SCHIP1: variants seen among roughly 807,000 people sequenced by gnomAD.
SCHIP1 encodes schwannomin-interacting protein 1.
In SCHIP1, 8 loss-of-function variants were observed where a neutral mutation model predicts 29.7. That is an observed-to-expected ratio of 0.27 (90% CI 0.16 to 0.49). SCHIP1 has a LOEUF of 0.49. SCHIP1 is among the 20% of genes least tolerant of loss of function. SCHIP1 has a pLI of 0.99. For synonymous variants in SCHIP1, 76 were observed against 94.9 expected, an observed-to-expected ratio of 0.80 and a Z score of 1.16; for missense variants, 193 against 294.6, an observed-to-expected ratio of 0.66 and a Z score of 2.52.
the SCHIP1 span, among the ~76,000 whole-genome samples, chr3:159,593,615 T>C: frequency 2.0e-5 from 3 of 152,136 alleles, no homozygotes; most frequent in Non-Finnish European, 4.4e-5. Context: ...AAAGATCAGC[T>C]GACCCAATGT....
chr3:159,375,153 A>G, the SCHIP1 span, among the ~76,000 whole-genome samples: 1 of 152,238 alleles, frequency 6.6e-6, no homozygotes, highest in Admixed American at 6.5e-5. Context: ...TTGGAATAAA[A>G]GAGAGTGTCC....
At chr3:159,592,825 C>T in the SCHIP1 span, among the ~76,000 whole-genome samples, 1 of 152,092 alleles carries the variant, frequency 6.6e-6, no homozygotes, top group East Asian at 1.9e-4. Context: ...TAGGCCTGTG[C>T]TTGAGGGTGG....
chr3:159,474,365 C>T, the SCHIP1 span, among the ~76,000 whole-genome samples: 1 of 152,090 alleles, frequency 6.6e-6, no homozygotes, highest in Non-Finnish European at 1.5e-5. Flanking sequence ...AGGTGTGTTC[C>T]TGTTGGTCTT....
At chr3:159,343,403 T>C in the SCHIP1 span, among the ~76,000 whole-genome samples, 1 of 152,200 alleles carries the variant, frequency 6.6e-6, no homozygotes, top group Admixed American at 6.5e-5. Context: ...TTTTTCTTGA[T>C]CGTAGGAGTG....
chr3:159,328,906 A>G, the SCHIP1 span, among the ~76,000 whole-genome samples: 1 of 152,178 alleles, frequency 6.6e-6, no homozygotes, highest in African/African-American at 2.4e-5. Flanking sequence ...TGTGAGTCTC[A>G]GTTTTCTCAT....
At chr3:159,896,270 T>C (rs1718056447) in intron 6 of SCHIP1, among the ~76,000 whole-genome samples, 1 of 152,222 alleles carries the variant, frequency 6.6e-6, no homozygotes, top group Non-Finnish European at 1.5e-5. Flanking sequence ...ATGTTTCGAC[T>C]TTTGGCTTCG....
At chr3:159,460,567 G>T in the SCHIP1 span, among the ~76,000 whole-genome samples, 426 of 152,286 alleles carry the variant, frequency 2.8e-3, 1 homozygote, top group Middle Eastern at 0.01. Context: ...AGAGTCTGTT[G>T]TATCTGGTAA....
In SCHIP1 at chr3:159,889,863, G is replaced by T. The variant is rs562035312; in HGVS notation, c.589+920G>T. Among the ~76,000 whole-genome samples, 28 of 152,262 alleles carry T rather than the reference G, an allele frequency of 1.8e-4. 1 individual carries two copies. In the South Asian group the frequency reaches 2.5e-3, roughly 14 times the overall value. ...TGTGATCCCAGCACTTTGGGAGGCCGAGGTGGGCAGATCACGAGGTCAGGA... is the reference window on the plus strand; with the variant it reads ...TGTGATCCCAGCACTTTGGGAGGCCTAGGTGGGCAGATCACGAGGTCAGGA... On this transcript the variant is annotated intron_variant, in intron 5 of 6. Coordinates refer to ENST00000445224, the Ensembl canonical transcript of SCHIP1.
At chr3:159,286,763 A>G in the SCHIP1 span, among the ~76,000 whole-genome samples, 1 of 152,192 alleles carries the variant, frequency 6.6e-6, no homozygotes, top group Non-Finnish European at 1.5e-5. Flanking sequence ...AATAATGATC[A>G]TTCAGACTGG....
At chr3:159,783,322 C>A in the SCHIP1 span, among the ~76,000 whole-genome samples, 1 of 152,134 alleles carries the variant, frequency 6.6e-6, no homozygotes, top group East Asian at 1.9e-4. Context: ...TGAATGGAGA[C>A]CTGAAGAGCT....
chr3:159,886,457 T>G, intron 3 of SCHIP1, 133 bp downstream of exon 4: 2 of 733,036 alleles, frequency 2.7e-6, no homozygotes, highest in East Asian at 2.6e-5. Flanking sequence ...AATTGCATGC[T>G]CCTAAAATTT....
intron 2 of SCHIP1, among the ~76,000 whole-genome samples, chr3:159,868,554 A>T (rs190528134): frequency 6.6e-6 from 1 of 152,108 alleles, no homozygotes; most frequent in African/African-American, 2.4e-5. Context: ...ATTATGCATT[A>T]TTCCCACTGA....
the SCHIP1 span, among the ~76,000 whole-genome samples, chr3:159,538,511 G>A: frequency 3.0e-4 from 46 of 152,128 alleles, 1 homozygote; most frequent in African/African-American, 1.1e-3. Context: ...ATCTCCTCTT[G>A]TGTGACAGTA....
chr3:159,666,836 G>A, the SCHIP1 span, among the ~76,000 whole-genome samples: 21 of 152,266 alleles, frequency 1.4e-4, no homozygotes, highest in South Asian at 4.1e-3. Flanking sequence ...TGGGTGAGAG[G>A]GTAGAACTTT....
At chr3:159,889,065 A>T (rs1717235234) in intron 5 of SCHIP1, 122 bp downstream of exon 6, 2 of 1,310,058 alleles carry the variant, frequency 1.5e-6, no homozygotes, top group South Asian at 3.2e-5. Flanking sequence ...TTGCAAGGAA[A>T]ATAAGAGAAT....
chr3:159,777,828 T>C, the SCHIP1 span, among the ~76,000 whole-genome samples: 23 of 152,348 alleles, frequency 1.5e-4, no homozygotes, highest in South Asian at 4.8e-3. Flanking sequence ...TAATTTTAGC[T>C]GTCGTACATA....
At chr3:159,785,790 G>A in the SCHIP1 span, among the ~76,000 whole-genome samples, 2 of 151,994 alleles carry the variant, frequency 1.3e-5, no homozygotes, top group Admixed American at 6.6e-5. Context: ...AAACATCCAG[G>A]GTACCCACTG....
the SCHIP1 span, among the ~76,000 whole-genome samples, chr3:159,742,195 C>T: frequency 1.3e-5 from 2 of 152,114 alleles, no homozygotes. Context: ...CACTGCACTC[C>T]AGCTTGGCAA....
chr3:159,362,098 G>A, the SCHIP1 span, among the ~76,000 whole-genome samples: 3 of 152,118 alleles, frequency 2.0e-5, no homozygotes, highest in African/African-American at 4.8e-5. Context: ...GAGGGTCAAC[G>A]ATTAGCCTGG....
Sources: gnomAD v4.1 joint callset for allele counts (sites outside exome capture counted in the v4.1 genomes callset) on GRCh38, gnomAD v4.1.1 for gene constraint, MANE v1.5 for transcripts, NCBI Gene and HGNC (gene_info 2026-07-23, HGNC 2026-07-21) for gene names.